ASTN1: variants seen among roughly 807,000 people sequenced by gnomAD.
The protein encoded by ASTN1 is astrotactin-1.
ASTN1 carries 41 observed loss-of-function variants against 140.7 expected under a neutral mutation model. The observed-to-expected ratio is 0.29, with a 90% CI of 0.23 to 0.38. ASTN1 has a LOEUF of 0.38. ASTN1 is among the 10% of genes least tolerant of loss of function. The pLI, the probability that ASTN1 is intolerant of heterozygous loss-of-function variation, is 1.00. For missense variants in ASTN1, 1,479 were observed against 1,678.8 expected (o/e 0.88, Z 2.08); for synonymous variants, 640 against 652.2 (o/e 0.98, Z 0.29).
chr1:176,890,040 A>G (rs1003209892), intron 17 of ASTN1, among the ~76,000 whole-genome samples: 1 of 152,228 alleles, frequency 6.6e-6, no homozygotes, highest in African/African-American at 2.4e-5. Context: ...AGAGCCTTCA[A>G]TCAACAATTA....
At chr1:176,905,095 T>A (rs1477789425) in intron 16 of ASTN1, among the ~76,000 whole-genome samples, 1 of 152,156 alleles carries the variant, frequency 6.6e-6, no homozygotes, top group Non-Finnish European at 1.5e-5. Flanking sequence ...TGCCTCAACA[T>A]CTCTCTTTTC....
chr1:176,935,252 C>A (rs1001612676), intron 15 of ASTN1, among the ~76,000 whole-genome samples: 2 of 152,182 alleles, frequency 1.3e-5, no homozygotes, highest in African/African-American at 4.8e-5. Flanking sequence ...CACAGCGACA[C>A]CATTGTGTGA....
At chr1:176,969,477 G>C (rs1673040622) in intron 8 of ASTN1, among the ~76,000 whole-genome samples, 1 of 152,188 alleles carries the variant, frequency 6.6e-6, no homozygotes, top group East Asian at 1.9e-4. Context: ...CTTCTAAAGA[G>C]ACAGCAACTC....
intron 1 of ASTN1, among the ~76,000 whole-genome samples, chr1:177,065,960 G>A (rs983218592): frequency 2.6e-4 from 40 of 152,152 alleles, no homozygotes; most frequent in African/African-American, 8.9e-4. Context: ...GGTATGGTAC[G>A]AGTAACCTTG....
chr1:177,127,374 A>G (rs905475614), intron 1 of ASTN1, among the ~76,000 whole-genome samples: 3 of 151,574 alleles, frequency 2.0e-5, no homozygotes, highest in Non-Finnish European at 4.4e-5. Context: ...TTATTCCGAG[A>G]AGCACTCATT....
At chr1:176,995,658 T>G (rs1674404484) in intron 8 of ASTN1, among the ~76,000 whole-genome samples, 1 of 152,182 alleles carries the variant, frequency 6.6e-6, no homozygotes, top group African/African-American at 2.4e-5. Context: ...AGGAAGCACT[T>G]GTAGTTCACC....
At chr1:177,016,793 C>T (rs1329948883) in intron 7 of ASTN1, among the ~76,000 whole-genome samples, 2 of 152,200 alleles carry the variant, frequency 1.3e-5, no homozygotes, top group African/African-American at 4.8e-5. Context: ...CAGATATTTA[C>T]ACCTCACCCC....
intron 16 of ASTN1, among the ~76,000 whole-genome samples, chr1:176,902,431 T>A (rs1043821174): frequency 8.2e-6 from 1 of 121,994 alleles, no homozygotes; most frequent in Non-Finnish European, 1.7e-5. Context: ...ATCGATAACA[T>A]ACGGTGGTAT....
At chr1:176,894,860 A>G in intron 16 of ASTN1, 30 bp from the exon 17 acceptor site, 1 of 1,610,172 alleles carries the variant, frequency 6.2e-7, no homozygotes, top group Non-Finnish European at 8.5e-7. Flanking sequence ...AGAAACAGTG[A>G]AGGAGTCAAA....
At chr1:176,914,790 G>A (rs536103331) in intron 16 of ASTN1, among the ~76,000 whole-genome samples, 60 of 152,294 alleles carry the variant, frequency 3.9e-4, no homozygotes, top group Non-Finnish European at 6.8e-4. Context: ...GGTAGCAACC[G>A]TGTACAGAGA....
chr1:177,138,722 A>G (rs1373266093), intron 1 of ASTN1, among the ~76,000 whole-genome samples: 3 of 152,228 alleles, frequency 2.0e-5, no homozygotes, highest in Non-Finnish European at 4.4e-5. Context: ...ATTAATCAGG[A>G]TATCACTGAA....
chr1:176,980,329 G>T (rs930711855), intron 8 of ASTN1, among the ~76,000 whole-genome samples: 4 of 152,170 alleles, frequency 2.6e-5, no homozygotes, highest in African/African-American at 9.7e-5. Flanking sequence ...GGCTGACAGG[G>T]AGGGTCTGGG....
intron 8 of ASTN1, among the ~76,000 whole-genome samples, chr1:177,008,629 A>G (rs1675125055): frequency 6.6e-6 from 1 of 151,220 alleles, no homozygotes; most frequent in Admixed American, 6.6e-5. Flanking sequence ...AGAGAAGAAG[A>G]AGGAGGAGGA....
At chr1:177,036,323 A>G (rs972948608) in intron 2 of ASTN1, among the ~76,000 whole-genome samples, 5 of 152,012 alleles carry the variant, frequency 3.3e-5, no homozygotes, top group African/African-American at 1.2e-4. Flanking sequence ...CTGGGATTAC[A>G]GGTGTGAGCC....
At chr1:176,974,150 T>A (rs1673261800) in intron 8 of ASTN1, among the ~76,000 whole-genome samples, 1 of 152,236 alleles carries the variant, frequency 6.6e-6, no homozygotes, top group Admixed American at 6.5e-5. Context: ...ATAAATTATA[T>A]CATTTAAAGA....
chr1:176,988,448 A>T (rs1489107985), intron 8 of ASTN1, among the ~76,000 whole-genome samples: 1 of 152,202 alleles, frequency 6.6e-6, no homozygotes, highest in Non-Finnish European at 1.5e-5. Flanking sequence ...GACATGAGGA[A>T]AAAATGAACT....
chr1:177,133,547 G>T (rs938258510), intron 1 of ASTN1, among the ~76,000 whole-genome samples: 3 of 152,150 alleles, frequency 2.0e-5, no homozygotes, highest in Admixed American at 2.0e-4. Flanking sequence ...AAAGCATCAT[G>T]ATGGGGCAGG....
At chr1:177,060,727 C>T (rs931485838) in intron 2 of ASTN1, among the ~76,000 whole-genome samples, 2 of 152,140 alleles carry the variant, frequency 1.3e-5, no homozygotes, top group African/African-American at 2.4e-5. Context: ...TCTTGAACTC[C>T]TGGCCTCAAG....
chr1:177,139,333 G>C (rs1301384160), intron 1 of ASTN1, among the ~76,000 whole-genome samples: 1 of 152,134 alleles, frequency 6.6e-6, no homozygotes, highest in African/African-American at 2.4e-5. Flanking sequence ...TGTGAGATAG[G>C]GCAAATGTGA....
Sources: gnomAD v4.1 joint callset for allele counts (sites outside exome capture counted in the v4.1 genomes callset) on GRCh38, gnomAD v4.1.1 for gene constraint, MANE v1.5 for transcripts, NCBI Gene and HGNC (gene_info 2026-07-23, HGNC 2026-07-21) for gene names.